The following SLC12A6 variants were observed in gnomAD, a reference collection of about 807,000 sequenced individuals.
The protein encoded by SLC12A6 is solute carrier family 12 member 6, also known as K-Cl cotransporter 3.
In SLC12A6, 66 loss-of-function variants were observed where a neutral mutation model predicts 135.3. That is an observed-to-expected ratio of 0.49 (90% CI 0.40 to 0.60). The LOEUF (loss-of-function observed/expected upper bound fraction) is 0.60, where lower values mean the gene tolerates loss of function less well. Ranked by LOEUF, SLC12A6 falls within the 20% of genes least tolerant of loss-of-function variation. The pLI, the probability that SLC12A6 is intolerant of heterozygous loss-of-function variation, is 0.00. For synonymous variants in SLC12A6, 513 were observed against 508.8 expected (o/e 1.01, Z -0.11); for missense variants, 1,058 against 1,452.3 (o/e 0.73, Z 4.41).
chr15:34,308,936 T>C (rs1278197607), intron 2 of SLC12A6, among the ~76,000 whole-genome samples: 1 of 152,170 alleles, frequency 6.6e-6, no homozygotes, highest in African/African-American at 2.4e-5. Flanking sequence ...CGAAAAATAA[T>C]GGCTTTAGAG....
At chr15:34,286,750 T>G (rs1895109106) in intron 2 of SLC12A6, among the ~76,000 whole-genome samples, 1 of 152,114 alleles carries the variant, frequency 6.6e-6, no homozygotes, top group Non-Finnish European at 1.5e-5. Context: ...GAGCCAAGAT[T>G]GCGCCACTGC....
At chr15:34,240,160 G>C (rs1184767945) in intron 19 of SLC12A6, among the ~76,000 whole-genome samples, 2 of 151,544 alleles carry the variant, frequency 1.3e-5, no homozygotes, top group Non-Finnish European at 2.9e-5. Flanking sequence ...AAAACAATAG[G>C]ATTAGTTCTA....
rs1433815586 is a variant in SLC12A6, at chr15:34,240,703, C to A, written c.2394G>T (p.Gly798=). 1.2e-6 allele frequency: 2 copies of A among 1,613,894 alleles called. No homozygotes were observed. Among genetic ancestry groups the A allele is most frequent in the Non-Finnish European group, 1.7e-6 (2 of 1,179,912 alleles). ...GLTIVGSVIV[G]NFLENYGEAL... The stretch of plus-strand genomic sequence containing the variant: ...CTTCACCGTAGTTCTCTAGGAAGTT[C>A]CCCACGATGACAGAGCCCACAATAG... Residue 798 remains glycine, a synonymous_variant, in exon 19 of 26, where the codon GGG becomes GGT. Transcript: ENST00000354181.
At chr15:34,336,334 T>C (rs1452821571) in intron 2 of SLC12A6, 76 bp downstream of exon 2, 3 of 1,160,418 alleles carry the variant, frequency 2.6e-6, no homozygotes, top group Non-Finnish European at 3.9e-6. Context: ...GATTATGATC[T>C]TCCAGATCCA....
chr15:34,305,350 G>A (rs1299120422), intron 2 of SLC12A6, among the ~76,000 whole-genome samples: 1 of 149,190 alleles, frequency 6.7e-6, no homozygotes, highest in Non-Finnish European at 1.5e-5. Context: ...CATGTTAGGT[G>A]TCCTGAATCG....
In SLC12A6 at chr15:34,240,895, CA is replaced by C. The variant is rs1156767343; in HGVS notation, c.2268-67del. The C allele has an allele frequency of 3.3e-6, 4 of 1,196,514 alleles. No homozygotes were observed. In the Admixed American group the frequency reaches 7.9e-5, roughly 24 times the overall value. The allele number at this position is 1,196,514 out of a possible 1,614,324, so 74.1% of individuals were successfully genotyped here. ...ATTTTGGGTTTGGGGAACAGAATGACAGACTCCACCCTTTAATTCAGGAGAT... is the reference window on the plus strand; with the variant it reads ...ATTTTGGGTTTGGGGAACAGAATGACGACTCCACCCTTTAATTCAGGAGAT... On this transcript the variant is annotated intron_variant, in intron 18 of 25. Coordinates refer to ENST00000354181, the MANE Select transcript of SLC12A6 (RefSeq NM_001365088.1).
At chr15:34,283,396 T>G (rs1894817043) in intron 2 of SLC12A6, among the ~76,000 whole-genome samples, 1 of 151,594 alleles carries the variant, frequency 6.6e-6, no homozygotes, top group Admixed American at 6.6e-5. Flanking sequence ...AATTTCAGCT[T>G]ATGGTGTTAT....
chr15:34,265,416 C>A lies in SLC12A6; in HGVS notation c.317-4396G>T, dbSNP rs74010042. On this transcript the variant is annotated intron_variant, in intron 3 of 25. Transcript: ENST00000354181. ...ACAACAGCAATTAAAAAAAAAAAAA[C>A]AAACAAAAAAGACAAAATAAAAACA... is the stretch of plus-strand genomic sequence containing the variant. 3.0e-3 allele frequency among the ~76,000 whole-genome samples: 313 copies of A among 103,434 alleles called. 1 individual carries two copies. Among genetic ancestry groups the A allele is most frequent in the African/African-American group, 6.7e-3 (158 of 23,610 alleles). The allele number at this position is 103,434 out of a possible 152,430, so 67.9% of individuals were successfully genotyped here. A position where few individuals can be genotyped will look rare whatever the true frequency, so the allele number is the denominator to read the frequency against.
At chr15:34,288,970 C>T (rs1895319826) in intron 2 of SLC12A6, among the ~76,000 whole-genome samples, 1 of 152,080 alleles carries the variant, frequency 6.6e-6, no homozygotes, top group African/African-American at 2.4e-5. Context: ...TTTGAATATC[C>T]CTTATTGCTT....
At chr15:34,329,427 G>A (rs1889691029) in intron 2 of SLC12A6, among the ~76,000 whole-genome samples, 1 of 152,078 alleles carries the variant, frequency 6.6e-6, no homozygotes, top group African/African-American at 2.4e-5. Context: ...CTTTAAAATG[G>A]GAAAGCATAA....
chr15:34,304,155 G>C (rs970808306), intron 2 of SLC12A6, among the ~76,000 whole-genome samples: 1 of 151,964 alleles, frequency 6.6e-6, no homozygotes, highest in Non-Finnish European at 1.5e-5. Flanking sequence ...CATTTCCTAC[G>C]AATGGAATCA....
In SLC12A6 at chr15:34,233,801, G is replaced by T; in HGVS notation, c.*80C>A. ...AACACAGGCTTCTAGTTGAGTGGGA[G>T]TGGTAGTAATGAGCTGGCACTTCCA... On this transcript the variant is annotated 3_prime_UTR_variant, in exon 26 of 26. Transcript: ENST00000354181. The T allele has an allele frequency of 1.3e-6, 1 of 783,008 alleles. No individual in the cohort carries two copies. Among genetic ancestry groups the T allele is most frequent in the Non-Finnish European group, 2.3e-6 (1 of 427,704 alleles). 48.5% of individuals were successfully genotyped at this position (783,008 alleles called of 1,614,324 possible).
intron 2 of SLC12A6, among the ~76,000 whole-genome samples, chr15:34,334,014 G>A (rs1277282641): frequency 6.6e-6 from 1 of 151,500 alleles, no homozygotes; most frequent in Non-Finnish European, 1.5e-5. Flanking sequence ...AGATTGCAGT[G>A]AGTGGAGATT....
chr15:34,248,215 T>C (rs1219439596), intron 13 of SLC12A6, among the ~76,000 whole-genome samples: 1 of 152,144 alleles, frequency 6.6e-6, no homozygotes, highest in Non-Finnish European at 1.5e-5. Context: ...ACATTTGGAT[T>C]ATTTCCAGGT....
rs538108224 is a variant in SLC12A6 at position 34,297,789 on chromosome 15, A to G, written c.272-22400T>C. Among the ~76,000 whole-genome samples the G allele has an allele frequency of 2.0e-5, 3 of 152,352 alleles. 1 individual carries two copies. The South Asian group carries it at 6.2e-4, about 32-fold the overall frequency. On this transcript the variant is annotated intron_variant, in intron 2 of 25. Transcript: ENST00000354181. ...TCATATTAGGAAAATCTTGGAAGGC[A>G]AATAGAGGAGTCTAAAGGAGATGGA...
At chr15:34,239,201 C>A (rs768110778) in intron 19 of SLC12A6, 41 bp from the exon 20 acceptor site, 2 of 1,430,204 alleles carry the variant, frequency 1.4e-6, no homozygotes, top group South Asian at 2.3e-5. Flanking sequence ...CTGGTTCACT[C>A]TGGACATTTT....
Position 34,336,494 on chromosome 15 carries a change from T to G in SLC12A6, c.187A>C (p.Met63Leu). Residue 63 changes from methionine (M) to leucine (L), a missense_variant, in exon 2 of 26, where the codon ATG (methionine) becomes CTG (leucine). Around this residue, in one of 6 missense-constraint regions of SLC12A6, gnomAD observed 176 missense variants for 168.9 expected, o/e 1.04. Transcript: ENST00000354181. ...GCCAGCGAAGTGGTGGCCCCAGACATCTCACTCATAGGCTCACTCCGGCTT... is the reference window on the plus strand; with the variant it reads ...GCCAGCGAAGTGGTGGCCCCAGACAGCTCACTCATAGGCTCACTCCGGCTT... Reference protein sequence around the residue: ...ETSRSEPMSEMSGATTSLATV... With the variant: ...ETSRSEPMSELSGATTSLATV... The G allele has an allele frequency of 6.2e-7, 1 of 1,613,680 alleles. No homozygotes were observed. Among genetic ancestry groups the G allele is most frequent in the African/African-American group, 1.3e-5 (1 of 75,000 alleles).
At chr15:34,316,865 A>G (rs1237569064) in intron 2 of SLC12A6, among the ~76,000 whole-genome samples, 3 of 152,206 alleles carry the variant, frequency 2.0e-5, no homozygotes, top group Admixed American at 2.0e-4. Flanking sequence ...AAAACAAATG[A>G]AATGAGGTAC....
At chr15:34,290,418 A>G (rs1161308449) in intron 2 of SLC12A6, among the ~76,000 whole-genome samples, 1 of 152,206 alleles carries the variant, frequency 6.6e-6, no homozygotes, top group South Asian at 2.1e-4. Context: ...CAATTTTAGA[A>G]TAAGTGCTAT....
Sources: gnomAD v4.1 joint callset for allele counts (sites outside exome capture counted in the v4.1 genomes callset) on GRCh38, gnomAD v4.1.1 for gene constraint, gnomAD v4.1.1 regional missense constraint, MANE v1.5 for transcripts, NCBI Gene and HGNC (gene_info 2026-07-23, HGNC 2026-07-21) for gene names.